Variants in GNE observed in about 807,000 individuals in gnomAD.
GNE encodes the protein bifunctional UDP-N-acetylglucosamine 2-epimerase/N-acetylmannosamine kinase.
Under a neutral mutation model 61.8 loss-of-function variants are expected in GNE, and 41 were observed. The observed-to-expected ratio is 0.66, with a 90% CI of 0.52 to 0.86. The LOEUF is 0.86. Ranked by LOEUF, GNE falls within the 40% of genes least tolerant of loss-of-function variation. The pLI, the probability that GNE is intolerant of heterozygous loss-of-function variation, is 0.00. For synonymous variants in GNE, 264 were observed against 326.4 expected, an observed-to-expected ratio of 0.81 and a Z score of 2.06; for missense variants, 608 against 909.1, an observed-to-expected ratio of 0.67 and a Z score of 4.26.
rs201808007 is a variant in GNE at position 36,222,812 on chromosome 9, C to T, written c.1598G>A (p.Gly533Glu). The change falls in exon 9 of 12, where the codon GGA becomes GAA. Residue 533 changes from glycine to glutamate, a missense_variant. Physicochemically the swap from Gly to Glu is moderately conservative, Grantham distance 98. Transcript: ENST00000642385. ...LAERKFGQGKGLENFVTLITG... is the reference protein window; with the variant it reads ...LAERKFGQGKELENFVTLITG... ...GATAAGTGTAACAAAGTTTTCCAGTCCCTTTCCTTGGCCAAATTTCCTTTC... is the reference window on the plus strand; with the variant it reads ...GATAAGTGTAACAAAGTTTTCCAGTTCCTTTCCTTGGCCAAATTTCCTTTC... The T allele has an allele frequency of 4.2e-5, 68 of 1,614,122 alleles. No homozygotes were observed. In the Middle Eastern group the frequency reaches 8.3e-4, roughly 20 times the overall value.
At chr9:36,229,646 G>C (rs1829049742) in intron 5 of GNE, among the ~76,000 whole-genome samples, 1 of 152,178 alleles carries the variant, frequency 6.6e-6, no homozygotes, top group African/African-American at 2.4e-5. Context: ...TGTGTTGTTT[G>C]TTTTTAAGAT....
chr9:36,257,032 C>T (rs1167522691), intron 1 of GNE, among the ~76,000 whole-genome samples: 2 of 152,074 alleles, frequency 1.3e-5, no homozygotes, highest in Non-Finnish European at 2.9e-5. Flanking sequence ...GGTGAAACCC[C>T]GTCTCTACTA....
intron 1 of GNE, among the ~76,000 whole-genome samples, chr9:36,268,654 T>G (rs140704302): frequency 6.6e-6 from 1 of 151,288 alleles, no homozygotes; most frequent in African/African-American, 2.4e-5. Flanking sequence ...GGGGACAGAG[T>G]GAGACCCCCA....
intron 4 of GNE, among the ~76,000 whole-genome samples, chr9:36,234,829 A>G (rs1339323812): frequency 6.6e-6 from 1 of 152,138 alleles, no homozygotes; most frequent in Non-Finnish European, 1.5e-5. Context: ...CCACTCATTT[A>G]ACCAAAGCTG....
intron 7 of GNE, among the ~76,000 whole-genome samples, chr9:36,224,820 A>C (rs1453508302): frequency 6.6e-6 from 1 of 152,208 alleles, no homozygotes; most frequent in Non-Finnish European, 1.5e-5. Context: ...CAGTAAGCCG[A>C]GATCATACCA....
chr9:36,263,491 G>A (rs948543960), intron 1 of GNE: 6 of 154,884 alleles, frequency 3.9e-5, no homozygotes, highest in African/African-American at 1.4e-4. Context: ...TGGTTAAGTT[G>A]TTCCATTAGT....
At position 36,218,419 on chromosome 9, in the gene GNE, A is replaced by C; in HGVS notation, c.1817-120T>G. The C allele has an allele frequency of 1.3e-6, 1 of 743,364 alleles. No homozygotes were observed. The highest frequency in any genetic ancestry group is 1.4e-5 in the South Asian group (1 of 69,564). The allele number at this position is 743,364 out of a possible 1,614,324, so 46.0% of individuals were successfully genotyped here. Reference sequence around the variant, plus strand: ...GACGGTGTTTTCTTTTCACAATTGCAAAGCTTATCGTTCACAAACATCTCT... The same window carrying C: ...GACGGTGTTTTCTTTTCACAATTGCCAAGCTTATCGTTCACAAACATCTCT... On this transcript the variant is annotated intron_variant, in intron 10 of 11. Transcript: ENST00000642385. The surrounding 1 kb of genome is among the most constrained non-coding windows in gnomAD (Gnocchi z 4.1).
intron 1 of GNE, among the ~76,000 whole-genome samples, chr9:36,253,053 T>C (rs927365210): frequency 2.0e-4 from 30 of 152,130 alleles, no homozygotes; most frequent in African/African-American, 6.7e-4. Flanking sequence ...TCCCAGCTAC[T>C]TGGGAGGCTG....
At chr9:36,239,455 ATCTT>A (rs754058758) in intron 3 of GNE, among the ~76,000 whole-genome samples, 6 of 149,144 alleles carry the variant, frequency 4.0e-5, no homozygotes, top group East Asian at 2.0e-4. Flanking sequence ...CTTTCTTTCT[ATCTT>A]TCTTTCTTTT....
intron 1 of GNE, among the ~76,000 whole-genome samples, chr9:36,264,189 G>A (rs1412464646): frequency 1.3e-5 from 2 of 151,984 alleles, no homozygotes; most frequent in Non-Finnish European, 2.9e-5. Flanking sequence ...CTTGAGTGCA[G>A]TGGTGCTATC....
chr9:36,254,706 C>G (rs1429854712), intron 1 of GNE, among the ~76,000 whole-genome samples: 1 of 152,102 alleles, frequency 6.6e-6, no homozygotes, highest in Admixed American at 6.6e-5. Context: ...AATCCCAGCA[C>G]TTTGGGAGGA....
At chr9:36,258,291 C>T in intron 1 of GNE, 30 bp downstream of exon 1, 2 of 983,206 alleles carry the variant, frequency 2.0e-6, no homozygotes, top group Non-Finnish European at 2.4e-6. Context: ...GATGCTCTCC[C>T]GGAGTCCCAC....
intron 4 of GNE, 36 bp downstream of exon 4, chr9:36,236,796 A>C (rs199651818): frequency 6.3e-7 from 1 of 1,596,884 alleles, no homozygotes; most frequent in African/African-American, 1.3e-5. Flanking sequence ...AATTGGGAAA[A>C]GTAGGTGGCA....
intron 1 of GNE, among the ~76,000 whole-genome samples, chr9:36,251,785 C>T (rs1378554548): frequency 6.6e-6 from 1 of 152,096 alleles, no homozygotes; most frequent in African/African-American, 2.4e-5. Context: ...GAAATTCCAT[C>T]AGTAGCCCTC....
intron 3 of GNE, among the ~76,000 whole-genome samples, chr9:36,244,864 C>G (rs1323045423): frequency 2.0e-5 from 3 of 148,986 alleles, no homozygotes; most frequent in African/African-American, 7.4e-5. Flanking sequence ...CGCTTGAACC[C>G]GGGAAGTGGA....
intron 5 of GNE, among the ~76,000 whole-genome samples, chr9:36,232,300 C>T (rs1031357161): frequency 1.3e-5 from 2 of 152,014 alleles, no homozygotes; most frequent in Non-Finnish European, 2.9e-5. Flanking sequence ...GAATCAGCCC[C>T]CTTACTGGTC....
chr9:36,248,077 G>A (rs1829970550), intron 2 of GNE, among the ~76,000 whole-genome samples: 1 of 149,486 alleles, frequency 6.7e-6, no homozygotes, highest in Non-Finnish European at 1.5e-5. Flanking sequence ...TATCCATTAA[G>A]TTTCTTCTCT....
At position 36,246,708 on chromosome 9, in the gene GNE, G is replaced by T. The variant is rs1423399791; in HGVS notation, c.165-226C>A. On this transcript the variant is annotated intron_variant, in intron 2 of 11. Coordinates refer to ENST00000642385, the MANE Select transcript of GNE (RefSeq NM_005476.7). Reference sequence around the variant, plus strand: ...TTTTGAGATGAAGTCTTGCTCTGTTGCCCAGGCTGGAGTGCAGTAGCGCGA... The same window carrying T: ...TTTTGAGATGAAGTCTTGCTCTGTTTCCCAGGCTGGAGTGCAGTAGCGCGA... 2.6e-5 allele frequency among the ~76,000 whole-genome samples: 3 copies of T among 114,836 alleles called. No individual in the cohort carries two copies. The Admixed American group carries it at 3.7e-4, about 14-fold the overall frequency. 75.3% of individuals were successfully genotyped at this position (114,836 alleles called of 152,430 possible).
Position 36,236,990 on chromosome 9 carries a change from T to C in GNE, c.617-6A>G. ...TTTAGATTTTACATCATCACCTGTT[T>C]AAAGAAAATCAAACCACATTGCTTC... On this transcript the variant is annotated splice_region_variant and splice_polypyrimidine_tract_variant and intron_variant, in intron 3 of 11. Transcript: ENST00000642385. 1.2e-6 allele frequency: 2 copies of C among 1,607,310 alleles called. No individual in the cohort carries two copies. Among genetic ancestry groups the C allele is most frequent in the Non-Finnish European group, 8.5e-7 (1 of 1,174,226 alleles).
Sources: gnomAD v4.1 joint callset for allele counts (sites outside exome capture counted in the v4.1 genomes callset) on GRCh38, gnomAD v4.1.1 for gene constraint, Gnocchi (gnomAD v3.1) non-coding constraint, MANE v1.5 for transcripts, NCBI Gene and HGNC (gene_info 2026-07-23, HGNC 2026-07-21) for gene names.